BAG3: variants seen among roughly 807,000 people sequenced by gnomAD.
The protein encoded by BAG3 is BAG cochaperone 3.
A neutral mutation model predicts 40.5 loss-of-function variants in BAG3; 14 were observed. That is an observed-to-expected ratio of 0.35 (90% CI 0.23 to 0.54). BAG3 has a LOEUF of 0.54. Among genes scored for constraint, BAG3 ranks in the 20% least tolerant of loss-of-function variants. BAG3 has a pLI of 0.91. For missense variants in BAG3, 788 were observed against 758.6 expected (o/e 1.04, Z -0.46); for synonymous variants, 302 against 307.8 (o/e 0.98, Z 0.20).
chr10:119,672,252 C>A lies in BAG3; in HGVS notation c.508-3C>A, dbSNP rs1400338528. The A allele has an allele frequency of 1.2e-6, 2 of 1,612,610 alleles. No homozygotes were observed. The highest frequency in any genetic ancestry group is 1.7e-6 in the Non-Finnish European group (2 of 1,180,026). On this transcript the variant is annotated splice_region_variant and splice_polypyrimidine_tract_variant and intron_variant, in intron 2 of 3. Transcript: ENST00000369085. The surrounding 1 kb of genome is among the most constrained non-coding windows in gnomAD (Gnocchi z 4.8). ...CATGCCCTCTACCCTGTGTCTCTTG[C>A]AGCGGTCCCAGTCTCCAGCTGCCTC...
chr10:119,659,678 C>G (rs1424920253), intron 1 of BAG3, among the ~76,000 whole-genome samples: 3 of 152,220 alleles, frequency 2.0e-5, no homozygotes, highest in Non-Finnish European at 4.4e-5. Flanking sequence ...GTATTTTGTA[C>G]AGAATACACG....
chr10:119,659,853 G>A (rs1314991310), intron 1 of BAG3, among the ~76,000 whole-genome samples: 1 of 152,084 alleles, frequency 6.6e-6, no homozygotes, highest in Non-Finnish European at 1.5e-5. Context: ...TTCCTGGGAT[G>A]GAAATTTCAG....
intron 1 of BAG3, among the ~76,000 whole-genome samples, chr10:119,665,142 A>ATTTTTTTT (rs1366963228): frequency 1.1e-5 from 1 of 87,826 alleles, no homozygotes; most frequent in Non-Finnish European, 2.2e-5. Flanking sequence ...ATATATATAT[A>ATTTTTTTT]TATTTTTTTT....
At chr10:119,660,709 T>TA (rs1427841440) in intron 1 of BAG3, among the ~76,000 whole-genome samples, 6 of 151,964 alleles carry the variant, frequency 3.9e-5, no homozygotes, top group Non-Finnish European at 5.9e-5. Flanking sequence ...AATATTTTTT[T>TA]AAAAAAAGAA....
chr10:119,656,378 CTTTTTTTTT>C (rs34602155), intron 1 of BAG3, among the ~76,000 whole-genome samples: 2 of 126,882 alleles, frequency 1.6e-5, no homozygotes, highest in East Asian at 2.4e-4. Flanking sequence ...AGCTGGCCTT[CTTTTTTTTT>C]TTTTTTTTTT....
Position 119,672,302 on chromosome 10 carries a change from G to A in BAG3, c.555G>A (p.Ser185=), listed in dbSNP as rs1247645930. 6 of 1,613,864 alleles carry A rather than the reference G, an allele frequency of 3.7e-6. No homozygotes were observed. The highest frequency in any genetic ancestry group is 4.5e-5 in the East Asian group (2 of 44,864). The change falls in exon 3 of 4, where the codon TCG becomes TCA. Residue 185 remains serine, a synonymous_variant. Transcript: ENST00000369085. This position sits in a 1 kb window ranked among gnomAD's most constrained non-coding sequence, Gnocchi z 4.8. ...AASDCSSSSS[S]ASLPSSGRSS... ...CTGACTGCTCATCCTCATCCTCCTCGGCCAGCCTGCCTTCCTCCGGCAGGA... is the reference window on the plus strand; with the variant it reads ...CTGACTGCTCATCCTCATCCTCCTCAGCCAGCCTGCCTTCCTCCGGCAGGA...
At chr10:119,667,699 C>A (rs1564772717) in intron 1 of BAG3, among the ~76,000 whole-genome samples, 1 of 152,152 alleles carries the variant, frequency 6.6e-6, no homozygotes, top group Non-Finnish European at 1.5e-5. Flanking sequence ...TTGGTAACCC[C>A]ATAGGACTCC....
In BAG3 at chr10:119,651,621, G is replaced by A; in HGVS notation, c.-55G>A. ...CGGCGGCGGCCCGGCCAGAGACTCGGCGCCCGGAGCCAGCGCCCCGCACCC... is the reference window on the plus strand; with the variant it reads ...CGGCGGCGGCCCGGCCAGAGACTCGACGCCCGGAGCCAGCGCCCCGCACCC... On this transcript the variant is annotated 5_prime_UTR_variant, in exon 1 of 4. Transcript: ENST00000369085. 7.0e-7 allele frequency: 1 copy of A among 1,436,988 alleles called. No individual in the cohort carries two copies. The highest frequency in any genetic ancestry group is 9.2e-7 in the Non-Finnish European group (1 of 1,089,932). 89.0% of individuals were successfully genotyped at this position (1,436,988 alleles called of 1,614,324 possible).
Position 119,676,466 on chromosome 10 carries a change from G to A in BAG3, c.912G>A (p.Gln304=). The A allele has an allele frequency of 6.2e-7, 1 of 1,613,722 alleles. No homozygotes were observed. Among genetic ancestry groups the A allele is most frequent in the Non-Finnish European group, 8.5e-7 (1 of 1,179,928 alleles). ...RVHTVVDRPQ[Q]PMTHRETAPV... is the part of the protein sequence containing the mutation. ...ATATTTTTGTGTCCTTTTTTCAGCA[G>A]CCCATGACCCATCGAGAAACTGCAC... Residue 304 remains glutamine, a splice_region_variant and synonymous_variant, in exon 4 of 4, where the codon CAG becomes CAA. Coordinates refer to ENST00000369085, the MANE Select transcript of BAG3 (RefSeq NM_004281.4).
At chr10:119,656,326 A>G (rs1846909483) in intron 1 of BAG3, among the ~76,000 whole-genome samples, 2 of 151,414 alleles carry the variant, frequency 1.3e-5, no homozygotes, top group African/African-American at 4.9e-5. Flanking sequence ...TTGTGAGTCA[A>G]GTAGACACCT....
At chr10:119,654,829 C>T (rs1190849998) in intron 1 of BAG3, among the ~76,000 whole-genome samples, 1 of 152,210 alleles carries the variant, frequency 6.6e-6, no homozygotes, top group Non-Finnish European at 1.5e-5. Context: ...CGCCAGGCCT[C>T]CTTGGGATGA....
chr10:119,654,916 C>T (rs376310753), intron 1 of BAG3, among the ~76,000 whole-genome samples: 1 of 152,246 alleles, frequency 6.6e-6, no homozygotes, highest in East Asian at 1.9e-4. Context: ...CTGGCACTCT[C>T]CAGGGAGTCC....
In BAG3 at chr10:119,676,444, T is replaced by C; in HGVS notation, c.910-20T>C. The C allele has an allele frequency of 6.2e-7, 1 of 1,612,332 alleles. No individual in the cohort carries two copies. The highest frequency in any genetic ancestry group is 1.1e-5 in the South Asian group (1 of 91,026). On this transcript the variant is annotated intron_variant, in intron 3 of 3. Coordinates refer to ENST00000369085, the MANE Select transcript of BAG3 (RefSeq NM_004281.4). ...CTTTCAGTCAGTTATTAAAAATATA[T>C]TTTTGTGTCCTTTTTTCAGCAGCCC...
intron 1 of BAG3, among the ~76,000 whole-genome samples, chr10:119,664,982 G>A (rs1471116745): frequency 6.6e-6 from 1 of 151,594 alleles, no homozygotes; most frequent in African/African-American, 2.4e-5. Flanking sequence ...GCAATGGTGT[G>A]ATCTTAGCTC....
intron 2 of BAG3, among the ~76,000 whole-genome samples, chr10:119,670,710 T>G (rs1847138577): frequency 6.6e-6 from 1 of 151,824 alleles, no homozygotes; most frequent in Non-Finnish European, 1.5e-5. Context: ...AAATAAGGAG[T>G]CAGGAAGGCA....
chr10:119,664,085 T>G (rs1847027943), intron 1 of BAG3, among the ~76,000 whole-genome samples: 1 of 152,202 alleles, frequency 6.6e-6, no homozygotes, highest in Admixed American at 6.6e-5. Context: ...AAGTGCAGCC[T>G]CTTCCGAGCT....
intron 1 of BAG3, among the ~76,000 whole-genome samples, chr10:119,662,475 G>A (rs1023237325): frequency 1.3e-5 from 2 of 152,046 alleles, no homozygotes; most frequent in African/African-American, 2.4e-5. Flanking sequence ...GGAGTTCCAG[G>A]ATTTCTGTGT....
At chr10:119,662,379 T>G (rs747324623) in intron 1 of BAG3, among the ~76,000 whole-genome samples, 1 of 152,052 alleles carries the variant, frequency 6.6e-6, no homozygotes, top group Non-Finnish European at 1.5e-5. Flanking sequence ...CCAGTTGCAC[T>G]TTGGAAGAAA....
intron 2 of BAG3, 97 bp downstream of exon 2, chr10:119,670,274 C>T (rs1847131282): frequency 2.2e-6 from 3 of 1,344,652 alleles, no homozygotes; most frequent in East Asian, 4.9e-5. Flanking sequence ...GGGCCAGGCA[C>T]CTGTTCACAT....
Sources: allele counts gnomAD v4.1 joint callset (sites outside exome capture counted in the v4.1 genomes callset), GRCh38; gene constraint gnomAD v4.1.1; non-coding constraint Gnocchi (gnomAD v3.1); transcripts MANE v1.5; gene names NCBI Gene and HGNC (gene_info 2026-07-23, HGNC 2026-07-21).